The following NLGN1 variants were observed in gnomAD, a reference collection of about 807,000 sequenced individuals.
NLGN1 encodes neuroligin 1.
A neutral mutation model predicts 65.5 loss-of-function variants in NLGN1; 12 were observed. The ratio of observed to expected loss-of-function variants is 0.18; its 90% confidence interval spans 0.12 to 0.30. The LOEUF is 0.30. Among genes scored for constraint, NLGN1 ranks in the 10% least tolerant of loss-of-function variants. The probability of loss-of-function intolerance (pLI) is 1.00; values close to 1 mark genes in which losing one functional copy is unlikely to be tolerated. For missense variants in NLGN1, 750 were observed against 1,007.1 expected (o/e 0.74, Z 3.46); for synonymous variants, 350 against 359.5 (o/e 0.97, Z 0.30).
At chr3:173,446,140 G>A (rs752800446) in intron 2 of NLGN1, among the ~76,000 whole-genome samples, 40 of 150,390 alleles carry the variant, frequency 2.7e-4, no homozygotes, top group Non-Finnish European at 3.0e-4. Flanking sequence ...ATGTATACAT[G>A]TGCCATGTTG....
At chr3:173,878,855 G>A (rs546134290) in intron 4 of NLGN1, among the ~76,000 whole-genome samples, 1 of 152,050 alleles carries the variant, frequency 6.6e-6, no homozygotes, top group Non-Finnish European at 1.5e-5. Context: ...GCTGAATCAA[G>A]AGTTATGTGG....
At chr3:174,009,094 G>T (rs1485145049) in intron 4 of NLGN1, among the ~76,000 whole-genome samples, 3 of 152,128 alleles carry the variant, frequency 2.0e-5, no homozygotes, top group East Asian at 1.9e-4. Context: ...CATGGTGTCT[G>T]GTGAGGACCT....
chr3:173,776,628 C>T (rs185751584), intron 3 of NLGN1, among the ~76,000 whole-genome samples: 2 of 151,988 alleles, frequency 1.3e-5, no homozygotes, highest in East Asian at 1.9e-4. Flanking sequence ...CTTTAATTTC[C>T]TCATACCTGA....
chr3:174,077,674 G>A (rs1006976732), intron 4 of NLGN1, among the ~76,000 whole-genome samples: 1 of 151,992 alleles, frequency 6.6e-6, no homozygotes, highest in African/African-American at 2.4e-5. Flanking sequence ...TCCTGCCTCA[G>A]CCTCCTGAGT....
chr3:173,908,175 T>C (rs1053868958), intron 4 of NLGN1, among the ~76,000 whole-genome samples: 12 of 152,158 alleles, frequency 7.9e-5, no homozygotes, highest in African/African-American at 2.9e-4. Context: ...GGAAAAAATA[T>C]GTATTTAAAT....
chr3:174,139,257 G>C (rs1362955590), intron 4 of NLGN1, among the ~76,000 whole-genome samples: 1 of 151,906 alleles, frequency 6.6e-6, no homozygotes, highest in African/African-American at 2.4e-5. Flanking sequence ...AAAATCTGTT[G>C]TATCTGCCTA....
chr3:174,181,828 T>C (rs1248247556), intron 4 of NLGN1, among the ~76,000 whole-genome samples: 1 of 144,644 alleles, frequency 6.9e-6, no homozygotes, highest in Non-Finnish European at 1.5e-5. Flanking sequence ...CACACAAAAC[T>C]TAGCCAGCAT....
At chr3:174,073,740 A>G (rs1250985818) in intron 4 of NLGN1, among the ~76,000 whole-genome samples, 1 of 152,202 alleles carries the variant, frequency 6.6e-6, no homozygotes, top group Non-Finnish European at 1.5e-5. Context: ...GAATATGATG[A>G]TAGAGCAGAC....
At chr3:173,491,589 T>G (rs1369661124) in intron 2 of NLGN1, among the ~76,000 whole-genome samples, 2 of 151,786 alleles carry the variant, frequency 1.3e-5, no homozygotes, top group East Asian at 3.9e-4. Context: ...GGCTTTGGTG[T>G]TAAGATGATG....
At chr3:173,773,133 G>C (rs1408677361) in intron 3 of NLGN1, among the ~76,000 whole-genome samples, 1 of 152,068 alleles carries the variant, frequency 6.6e-6, no homozygotes, top group Non-Finnish European at 1.5e-5. Context: ...ACCCACTTCA[G>C]TCAACATTTG....
At chr3:173,712,186 TG>T (rs71635770) in intron 3 of NLGN1, among the ~76,000 whole-genome samples, 21,685 of 151,888 alleles carry the variant, frequency 0.14, 1,560 homozygotes, top group Non-Finnish European at 0.17. Context: ...GCAGTTTTTT[TG>T]TTTTGCTTTT....
intron 3 of NLGN1, among the ~76,000 whole-genome samples, chr3:173,743,780 A>G (rs1486587367): frequency 6.6e-6 from 1 of 152,068 alleles, no homozygotes; most frequent in Non-Finnish European, 1.5e-5. Context: ...GGGGTTCCCC[A>G]TCTCTCCCTC....
At chr3:174,025,928 C>T (rs1024941121) in intron 4 of NLGN1, among the ~76,000 whole-genome samples, 7 of 151,924 alleles carry the variant, frequency 4.6e-5, no homozygotes, top group Non-Finnish European at 1.0e-4. Flanking sequence ...AGAAAGGAAG[C>T]CATTTTATCT....
exon 7 of NLGN1, chr3:174,284,464 A>G (rs761897431): frequency 4.6e-5 from 7 of 151,440 alleles, no homozygotes; most frequent in Non-Finnish European, 7.4e-5. Context: ...TATTTTTGGC[A>G]TTATTTGTTA....
chr3:174,107,626 T>A (rs766521392), intron 4 of NLGN1, among the ~76,000 whole-genome samples: 12 of 152,172 alleles, frequency 7.9e-5, no homozygotes, highest in Non-Finnish European at 1.0e-4. Flanking sequence ...GAATATAAAT[T>A]TTCATTTCCC....
At chr3:173,415,583 C>T (rs552961663) in intron 1 of NLGN1, among the ~76,000 whole-genome samples, 1 of 152,116 alleles carries the variant, frequency 6.6e-6, no homozygotes, top group Admixed American at 6.5e-5. Context: ...AGTGTTTTTC[C>T]CTATAAAATA....
At chr3:173,727,637 A>G (rs1009726104) in intron 3 of NLGN1, among the ~76,000 whole-genome samples, 1 of 152,070 alleles carries the variant, frequency 6.6e-6, no homozygotes, top group African/African-American at 2.4e-5. Flanking sequence ...CCCAACCCAC[A>G]CACCTTGCAA....
chr3:173,722,434 G>T (rs1164854701), intron 3 of NLGN1, among the ~76,000 whole-genome samples: 1 of 151,626 alleles, frequency 6.6e-6, no homozygotes, highest in Non-Finnish European at 1.5e-5. Flanking sequence ...GTAGAGACAG[G>T]GTTTCACCAT....
intron 4 of NLGN1, among the ~76,000 whole-genome samples, chr3:174,026,708 T>C (rs372225239): frequency 1.1e-3 from 170 of 152,276 alleles, no homozygotes; most frequent in Middle Eastern, 6.8e-3. Flanking sequence ...AGAATACTTA[T>C]CATGACTATG....
Sources: allele counts gnomAD v4.1 joint callset (sites outside exome capture counted in the v4.1 genomes callset), GRCh38; gene constraint gnomAD v4.1.1; transcripts MANE v1.5; gene names NCBI Gene and HGNC (gene_info 2026-07-23, HGNC 2026-07-21).